The following ALCAM variants were observed in gnomAD, a reference collection of about 807,000 sequenced individuals.
ALCAM encodes the protein activated leukocyte cell adhesion molecule.
Under a neutral mutation model 70.9 loss-of-function variants are expected in ALCAM, and 30 were observed. That is an observed-to-expected ratio of 0.42 (90% confidence interval 0.32 to 0.57). The LOEUF (loss-of-function observed/expected upper bound fraction) is 0.57, where lower values mean the gene tolerates loss of function less well. Ranked by LOEUF, ALCAM falls within the 20% of genes least tolerant of loss-of-function variation. The pLI is 0.11. For synonymous variants in ALCAM, 249 were observed against 242.5 expected (o/e 1.03, Z -0.25); for missense variants, 591 against 695.1 (o/e 0.85, Z 1.68).
chr3:105,565,487 G>T (rs1160212869), intron 14 of ALCAM, among the ~76,000 whole-genome samples: 2 of 151,916 alleles, frequency 1.3e-5, no homozygotes, highest in Non-Finnish European at 2.9e-5. Context: ...TTTATTTTCA[G>T]TCTTCTCTTT....
chr3:105,437,426 A>G (rs1017676984), intron 1 of ALCAM, among the ~76,000 whole-genome samples: 2 of 152,108 alleles, frequency 1.3e-5, no homozygotes, highest in Non-Finnish European at 2.9e-5. Flanking sequence ...CTGAAATACT[A>G]TATGTTTCTA....
intron 1 of ALCAM, among the ~76,000 whole-genome samples, chr3:105,400,194 C>A (rs1386940446): frequency 6.6e-6 from 1 of 152,008 alleles, no homozygotes; most frequent in Non-Finnish European, 1.5e-5. Flanking sequence ...TTGTTTGGGT[C>A]ATTAAGAAGA....
At chr3:105,559,413 A>G (rs921147491) in intron 14 of ALCAM, among the ~76,000 whole-genome samples, 14 of 151,732 alleles carry the variant, frequency 9.2e-5, no homozygotes, top group Non-Finnish European at 2.1e-4. Context: ...GGAGACTGGG[A>G]ATTTCAAGAT....
chr3:105,466,640 C>G (rs1937746610), intron 1 of ALCAM, among the ~76,000 whole-genome samples: 1 of 151,332 alleles, frequency 6.6e-6, no homozygotes, highest in African/African-American at 2.4e-5. Context: ...ACTCTGGTAT[C>G]CCTGAGACAT....
chr3:105,557,005 C>G (rs1389372198), intron 14 of ALCAM, among the ~76,000 whole-genome samples: 1 of 152,032 alleles, frequency 6.6e-6, no homozygotes, highest in African/African-American at 2.4e-5. Flanking sequence ...GTAACCTGCT[C>G]AAGATATCAT....
intron 2 of ALCAM, among the ~76,000 whole-genome samples, chr3:105,523,307 C>T (rs146087661): frequency 6.6e-6 from 1 of 152,084 alleles, no homozygotes; most frequent in Admixed American, 6.6e-5. Flanking sequence ...AGAGGATTTG[C>T]GTTGTAAACC....
At chr3:105,400,141 G>A (rs1422715445) in intron 1 of ALCAM, among the ~76,000 whole-genome samples, 1 of 152,126 alleles carries the variant, frequency 6.6e-6, no homozygotes, top group African/African-American at 2.4e-5. Context: ...GGGCATAGAT[G>A]CTTTTAAACA....
intron 1 of ALCAM, among the ~76,000 whole-genome samples, chr3:105,517,985 T>G (rs561707947): frequency 1.3e-5 from 2 of 152,224 alleles, no homozygotes; most frequent in East Asian, 3.9e-4. Flanking sequence ...CACTATGTAT[T>G]TGAAATTCAT....
chr3:105,369,981 A>T (rs1935185466), intron 1 of ALCAM, among the ~76,000 whole-genome samples: 1 of 151,894 alleles, frequency 6.6e-6, no homozygotes, highest in Non-Finnish European at 1.5e-5. Flanking sequence ...TGTATTGCTT[A>T]AAAAAAGAAT....
intron 1 of ALCAM, among the ~76,000 whole-genome samples, chr3:105,493,045 C>A (rs1938632327): frequency 6.6e-6 from 1 of 152,106 alleles, no homozygotes; most frequent in African/African-American, 2.4e-5. Context: ...TAAATTTCAA[C>A]TTATATGTAA....
chr3:105,485,971 G>A (rs149577773), intron 1 of ALCAM, among the ~76,000 whole-genome samples: 139 of 151,784 alleles, frequency 9.2e-4, no homozygotes, highest in Middle Eastern at 3.2e-3. Context: ...TCCTCTTGGT[G>A]GTTTACCAAC....
chr3:105,388,720 G>A (rs1935720953), intron 1 of ALCAM, among the ~76,000 whole-genome samples: 1 of 151,470 alleles, frequency 6.6e-6, no homozygotes. Flanking sequence ...ACTTATTAGG[G>A]TTAAGAAACC....
intron 1 of ALCAM, among the ~76,000 whole-genome samples, chr3:105,459,107 C>A (rs1358259340): frequency 2.0e-5 from 3 of 152,142 alleles, no homozygotes; most frequent in Non-Finnish European, 4.4e-5. Flanking sequence ...AGCTTTCCCC[C>A]ACTCATAGTC....
chr3:105,574,352 A>G (rs1008470356), intron 15 of ALCAM, 125 bp from the exon 16 acceptor site: 5 of 152,180 alleles, frequency 3.3e-5, no homozygotes, highest in African/African-American at 9.6e-5. Context: ...CTTGGGGACA[A>G]TGGAGTTTTA....
chr3:105,449,343 T>A (rs1045075172), intron 1 of ALCAM, among the ~76,000 whole-genome samples: 1 of 152,208 alleles, frequency 6.6e-6, no homozygotes, highest in African/African-American at 2.4e-5. Flanking sequence ...AGTAAGTTAT[T>A]CAAATCTTGA....
intron 1 of ALCAM, among the ~76,000 whole-genome samples, chr3:105,402,837 G>T (rs1475884847): frequency 6.6e-6 from 1 of 151,874 alleles, no homozygotes; most frequent in Non-Finnish European, 1.5e-5. Flanking sequence ...ATAATCTCCT[G>T]GGAGCCCTAT....
At chr3:105,502,835 A>G (rs1938962064) in intron 1 of ALCAM, among the ~76,000 whole-genome samples, 1 of 152,242 alleles carries the variant, frequency 6.6e-6, no homozygotes, top group Non-Finnish European at 1.5e-5. Context: ...TGTACTTTGT[A>G]TCAGAGCTTT....
intron 1 of ALCAM, among the ~76,000 whole-genome samples, chr3:105,450,719 A>G (rs908358746): frequency 3.3e-5 from 5 of 152,172 alleles, no homozygotes; most frequent in Non-Finnish European, 7.3e-5. Context: ...GTGAATATGT[A>G]TTTTGGTAAA....
chr3:105,443,260 A>G (rs768222197), intron 1 of ALCAM, among the ~76,000 whole-genome samples: 1 of 152,174 alleles, frequency 6.6e-6, no homozygotes, highest in Non-Finnish European at 1.5e-5. Context: ...AGACATGCCT[A>G]TATTCCCAGG....
Sources: gnomAD v4.1 joint callset for allele counts (sites outside exome capture counted in the v4.1 genomes callset) on GRCh38, gnomAD v4.1.1 for gene constraint, MANE v1.5 for transcripts, NCBI Gene and HGNC (gene_info 2026-07-23, HGNC 2026-07-21) for gene names.